The following CD2AP variants were observed in gnomAD, a reference collection of about 807,000 sequenced individuals.
CD2AP encodes CD2 associated protein, also known as CD2-associated protein.
In CD2AP, 46 loss-of-function variants were observed where a neutral mutation model predicts 85.1. The ratio of observed to expected loss-of-function variants is 0.54; its 90% confidence interval spans 0.43 to 0.69. The LOEUF is 0.69. CD2AP is among the 30% of genes least tolerant of loss of function. The pLI is 0.00. For synonymous variants in CD2AP, 255 were observed against 252.9 expected, an observed-to-expected ratio of 1.01 and a Z score of -0.08; for missense variants, 769 against 729.5, an observed-to-expected ratio of 1.05 and a Z score of -0.62.
At chr6:47,516,417 A>T (rs1015573956) in intron 2 of CD2AP, among the ~76,000 whole-genome samples, 8 of 152,234 alleles carry the variant, frequency 5.3e-5, no homozygotes, top group African/African-American at 1.9e-4. Flanking sequence ...CATAGCAATG[A>T]TGTGGTCATG....
At chr6:47,520,797 G>GCT (rs1766570099) in intron 2 of CD2AP, among the ~76,000 whole-genome samples, 1 of 145,504 alleles carries the variant, frequency 6.9e-6, no homozygotes, top group South Asian at 2.3e-4. Context: ...TTGTCTAAGA[G>GCT]CTCTCTGTCT....
At chr6:47,606,882 C>CAAA (rs1769290920) in intron 14 of CD2AP, among the ~76,000 whole-genome samples, 1 of 151,944 alleles carries the variant, frequency 6.6e-6, no homozygotes, top group Non-Finnish European at 1.5e-5. Context: ...CTAGTAGTTA[C>CAAA]CCTGATGCTA....
At chr6:47,516,699 C>G (rs957585817) in intron 2 of CD2AP, among the ~76,000 whole-genome samples, 5 of 151,952 alleles carry the variant, frequency 3.3e-5, no homozygotes, top group African/African-American at 1.2e-4. Context: ...TTATATACTT[C>G]CCATTTTTTT....
chr6:47,537,280 C>G (rs1383279543), intron 3 of CD2AP, among the ~76,000 whole-genome samples: 1 of 152,126 alleles, frequency 6.6e-6, no homozygotes, highest in Non-Finnish European at 1.5e-5. Flanking sequence ...TGTCCACTGA[C>G]TATGCATCTT....
chr6:47,547,806 T>C (rs537388131), intron 4 of CD2AP, among the ~76,000 whole-genome samples: 36 of 151,772 alleles, frequency 2.4e-4, no homozygotes, highest in Non-Finnish European at 4.7e-4. Flanking sequence ...TTTAAGAAAA[T>C]TGAAATTATA....
chr6:47,520,145 T>C (rs1245207215), intron 2 of CD2AP, among the ~76,000 whole-genome samples: 1 of 151,826 alleles, frequency 6.6e-6, no homozygotes, highest in African/African-American at 2.4e-5. Context: ...TCATTTTAGG[T>C]GAGGGGCTAA....
intron 6 of CD2AP, among the ~76,000 whole-genome samples, chr6:47,574,942 A>G (rs1052220452): frequency 6.6e-6 from 1 of 152,210 alleles, no homozygotes; most frequent in East Asian, 1.9e-4. Context: ...TGAAGAAATT[A>G]TAGTATTTCA....
chr6:47,527,177 G>A (rs1389393398), intron 2 of CD2AP, among the ~76,000 whole-genome samples: 1 of 152,048 alleles, frequency 6.6e-6, no homozygotes, highest in African/African-American at 2.4e-5. Flanking sequence ...TACATGAAGA[G>A]GTCATGTTCA....
intron 5 of CD2AP, 146 bp from the exon 6 acceptor site, chr6:47,573,918 C>T: frequency 4.4e-6 from 3 of 683,518 alleles, no homozygotes; most frequent in East Asian, 5.2e-5. Flanking sequence ...TTGCATCTTG[C>T]TCTTCTGGAT....
chr6:47,610,971 A>ATATATATATATATATATATATTTTTTTT, intron 16 of CD2AP, among the ~76,000 whole-genome samples: 1 of 112,908 alleles, frequency 8.9e-6, no homozygotes, highest in African/African-American at 3.6e-5. Context: ...ATATATATGT[A>ATATATATATATATATATATATTTTTTTT]TTTTTTTTTT....
intron 11 of CD2AP, among the ~76,000 whole-genome samples, chr6:47,588,296 G>C (rs1768685345): frequency 6.6e-6 from 1 of 152,040 alleles, no homozygotes; most frequent in Admixed American, 6.6e-5. Flanking sequence ...CCCTGCACTT[G>C]GTTAAACTCC....
intron 5 of CD2AP, among the ~76,000 whole-genome samples, chr6:47,569,843 G>T (rs756023991): frequency 6.6e-6 from 1 of 152,124 alleles, no homozygotes; most frequent in Non-Finnish European, 1.5e-5. Context: ...TCATATATTA[G>T]TATTCACCTT....
At chr6:47,498,233 C>T (rs761043089) in intron 1 of CD2AP, among the ~76,000 whole-genome samples, 1 of 152,138 alleles carries the variant, frequency 6.6e-6, no homozygotes, top group Admixed American at 6.5e-5. Flanking sequence ...GCAGAGTATG[C>T]AATTAATTTT....
At chr6:47,589,379 T>TATACACAC (rs144886557) in intron 11 of CD2AP, among the ~76,000 whole-genome samples, 5 of 139,382 alleles carry the variant, frequency 3.6e-5, no homozygotes, top group Non-Finnish European at 7.8e-5. Context: ...CTCTTGAATA[T>TATACACAC]ACACACACAC....
chr6:47,597,391 A>G (rs111383125), intron 12 of CD2AP, among the ~76,000 whole-genome samples: 6 of 150,816 alleles, frequency 4.0e-5, no homozygotes, highest in African/African-American at 1.4e-4. Context: ...TGATGTTAGA[A>G]AAGCCAAGAA....
chr6:47,494,593 A>C (rs749172050), intron 1 of CD2AP, among the ~76,000 whole-genome samples: 14 of 152,068 alleles, frequency 9.2e-5, no homozygotes, highest in Non-Finnish European at 1.8e-4. Context: ...CGCAGTGGTT[A>C]CTTTTCTTTT....
At chr6:47,542,114 A>C (rs1767229083) in intron 3 of CD2AP, among the ~76,000 whole-genome samples, 1 of 152,206 alleles carries the variant, frequency 6.6e-6, no homozygotes, top group Non-Finnish European at 1.5e-5. Context: ...GCTCCAGTTC[A>C]AACCTGTCCT....
intron 1 of CD2AP, among the ~76,000 whole-genome samples, chr6:47,503,064 C>T (rs1367784020): frequency 4.6e-5 from 7 of 152,104 alleles, no homozygotes. Context: ...TCTTTTGAGG[C>T]TCCCACTTAA....
chr6:47,506,805 G>GAGAC (rs1766183328), intron 2 of CD2AP, among the ~76,000 whole-genome samples: 1 of 10,578 alleles, frequency 9.5e-5, no homozygotes, highest in Non-Finnish European at 1.8e-4. Flanking sequence ...GAGGGAGAGG[G>GAGAC]AGAGGGAGAG....
Sources: allele counts gnomAD v4.1 joint callset (sites outside exome capture counted in the v4.1 genomes callset), GRCh38; gene constraint gnomAD v4.1.1; transcripts MANE v1.5; gene names NCBI Gene and HGNC (gene_info 2026-07-23, HGNC 2026-07-21).